Variants in DST observed in about 807,000 individuals in gnomAD.
DST encodes bullous pemphigoid antigen.
Under a neutral mutation model 875.2 loss-of-function variants are expected in DST, and 253 were observed. That is an observed-to-expected ratio of 0.29 (90% CI 0.26 to 0.32). DST has a LOEUF of 0.32. Among genes scored for constraint, DST ranks in the 10% least tolerant of loss-of-function variants. DST has a pLI of 1.00. For missense variants in DST, 8,287 were observed against 9,111.6 expected, an observed-to-expected ratio of 0.91 and a Z score of 3.68; for synonymous variants, 3,124 against 3,197.1, an observed-to-expected ratio of 0.98 and a Z score of 0.77.
At chr6:56,538,397 ATT>A (rs2097057117) in intron 61 of DST, among the ~76,000 whole-genome samples, 2 of 83,718 alleles carry the variant, frequency 2.4e-5, no homozygotes, top group Admixed American at 2.4e-4. Context: ...ATAGTTTGAG[ATT>A]CTGAGTCATT....
intron 3 of DST, 107 bp from the exon 4 acceptor site, chr6:56,851,711 TG>T: frequency 6.4e-7 from 1 of 1,552,334 alleles, no homozygotes. Context: ...GCCCCCAAAC[TG>T]GGTCTGGCAT....
intron 4 of DST, among the ~76,000 whole-genome samples, chr6:56,764,727 G>A (rs1349486105): frequency 1.3e-5 from 2 of 152,154 alleles, no homozygotes; most frequent in Non-Finnish European, 1.5e-5. Context: ...GGAGGCCGAG[G>A]TGGGTGGATC....
intron 90 of DST, among the ~76,000 whole-genome samples, chr6:56,478,910 T>C (rs750799597): frequency 6.6e-6 from 1 of 152,028 alleles, no homozygotes; most frequent in Non-Finnish European, 1.5e-5. Context: ...AAAACAAATA[T>C]AGACAAATGG....
chr6:56,749,614 C>G (rs2099581809), intron 4 of DST, among the ~76,000 whole-genome samples: 1 of 152,080 alleles, frequency 6.6e-6, no homozygotes, highest in South Asian at 2.1e-4. Flanking sequence ...TCACTGTGGT[C>G]TCTTTAATTT....
At chr6:56,587,429 A>G (rs971547777) in intron 49 of DST, among the ~76,000 whole-genome samples, 54 of 152,344 alleles carry the variant, frequency 3.5e-4, no homozygotes, top group African/African-American at 1.2e-3. Flanking sequence ...CCAAATCTGC[A>G]TCTGATCAGT....
chr6:56,883,722 A>G (rs1373305213), intron 3 of DST, among the ~76,000 whole-genome samples: 1 of 152,052 alleles, frequency 6.6e-6, no homozygotes, highest in East Asian at 1.9e-4. Flanking sequence ...AACAATCACC[A>G]TCTCCTGGTC....
At chr6:56,948,082 C>T (rs1820596306) in intron 2 of DST, among the ~76,000 whole-genome samples, 1 of 152,240 alleles carries the variant, frequency 6.6e-6, no homozygotes. Context: ...TAACTAAGCA[C>T]TCATCATGCC....
intron 4 of DST, among the ~76,000 whole-genome samples, chr6:56,748,549 C>A (rs1401108611): frequency 6.6e-6 from 1 of 152,214 alleles, no homozygotes; most frequent in Non-Finnish European, 1.5e-5. Flanking sequence ...AAGAAATACA[C>A]TGGCTTCCTA....
At chr6:56,689,088 C>A (rs1209574325) in intron 9 of DST, among the ~76,000 whole-genome samples, 1 of 152,126 alleles carries the variant, frequency 6.6e-6, no homozygotes, top group Non-Finnish European at 1.5e-5. Flanking sequence ...ACTTAACTTT[C>A]CTGAGACTCA....
chr6:56,546,429 A>T (rs1193068952), intron 61 of DST, among the ~76,000 whole-genome samples: 1 of 142,202 alleles, frequency 7.0e-6, no homozygotes, highest in East Asian at 2.1e-4. Flanking sequence ...CTATCCAGCA[A>T]GCAGAAGCAA....
chr6:56,510,389 T>A (rs1381688480), intron 73 of DST, among the ~76,000 whole-genome samples: 1 of 152,126 alleles, frequency 6.6e-6, no homozygotes, highest in Non-Finnish European at 1.5e-5. Flanking sequence ...GTTATGCATT[T>A]CCTGAATTGA....
chr6:56,620,806 C>T (rs2098684106), intron 36 of DST: 2 of 1,172,082 alleles, frequency 1.7e-6, no homozygotes, highest in Non-Finnish European at 2.5e-6. Context: ...CTTACAAAAC[C>T]AAGTGAACTC....
At chr6:56,895,883 GGC>G (rs2127676882) in intron 3 of DST, among the ~76,000 whole-genome samples, 1 of 29,658 alleles carries the variant, frequency 3.4e-5, no homozygotes, top group Admixed American at 2.8e-4. Flanking sequence ...CAGGCGTGGC[GGC>G]GCGCGCCTGC....
At chr6:56,527,220 C>CT (rs775885946) in intron 68 of DST, among the ~76,000 whole-genome samples, 124 of 148,876 alleles carry the variant, frequency 8.3e-4, no homozygotes, top group East Asian at 2.9e-3. Flanking sequence ...GATCATTTTC[C>CT]TTTTTTTTTT....
intron 4 of DST, among the ~76,000 whole-genome samples, chr6:56,765,232 A>G (rs2099630460): frequency 6.6e-6 from 1 of 152,204 alleles, no homozygotes; most frequent in African/African-American, 2.4e-5. Flanking sequence ...TCACCATGAC[A>G]AACACCCATT....
chr6:56,720,978 G>T (rs971293198), intron 5 of DST, among the ~76,000 whole-genome samples: 7 of 151,564 alleles, frequency 4.6e-5, no homozygotes, highest in Admixed American at 4.6e-4. Flanking sequence ...GGGCAGAGGC[G>T]CCCCCCGCCA....
chr6:56,488,240 A>C (rs1434932019), intron 86 of DST, among the ~76,000 whole-genome samples: 1 of 152,238 alleles, frequency 6.6e-6, no homozygotes, highest in Non-Finnish European at 1.5e-5. Context: ...TTATGGTTGA[A>C]TACAGGTCAC....
chr6:56,506,635 A>G (rs376184262), intron 76 of DST, 32 bp downstream of exon 76: 17 of 1,612,068 alleles, frequency 1.1e-5, no homozygotes, highest in Non-Finnish European at 1.4e-5. Context: ...AAAACTTTTT[A>G]AAAGCCATTC....
At chr6:56,594,414 T>C (rs895897782) in intron 47 of DST, among the ~76,000 whole-genome samples, 2 of 152,200 alleles carry the variant, frequency 1.3e-5, no homozygotes, top group Non-Finnish European at 2.9e-5. Flanking sequence ...AAATTTCCAA[T>C]CTTCTCTATG....
Sources: gnomAD v4.1 joint callset for allele counts (sites outside exome capture counted in the v4.1 genomes callset) on GRCh38, gnomAD v4.1.1 for gene constraint, MANE v1.5 for transcripts, NCBI Gene and HGNC (gene_info 2026-07-23, HGNC 2026-07-21) for gene names.